The following OR5AN1 variants were observed in gnomAD, a reference collection of about 807,000 sequenced individuals.
OR5AN1 encodes olfactory receptor 5AN1.
For synonymous variants in OR5AN1, 167 were observed against 131.8 expected (o/e 1.27, Z -1.83); for missense variants, 476 against 368.9 (o/e 1.29, Z -2.38).
rs377346936 is a variant in OR5AN1, at chr11:59,365,427, G to A, written c.*33G>A. ...GATTCTGAGATTTCTGCCAGATATG[G>A]CCCATCAGAATCTCCCTAACCCACA... On this transcript the variant is annotated 3_prime_UTR_variant, in exon 2 of 2. Coordinates refer to ENST00000641998, the MANE Select transcript of OR5AN1 (RefSeq NM_001004729.2). The A allele has an allele frequency of 3.4e-5, 45 of 1,336,698 alleles. No individual in the cohort carries two copies. The South Asian group carries it at 4.9e-4, about 15-fold the overall frequency. The allele number at this position is 1,336,698 out of a possible 1,614,324, so 82.8% of individuals were successfully genotyped here. A position where few individuals can be genotyped will look rare whatever the true frequency, so the allele number is the denominator to read the frequency against.
chr11:59,361,401 C>T (rs12797580), intron 1 of OR5AN1, among the ~76,000 whole-genome samples: 2,907 of 152,250 alleles, frequency 0.019, 45 homozygotes, highest in Non-Finnish European at 0.029. Context: ...CCTTCTCAGC[C>T]TCCCAAGTAG....
rs538532601 is a variant in OR5AN1, at chr11:59,366,847, T to A, written c.*1453T>A. ...AGCTAAGTTTTACTGTTATACCAAC[T>A]TCACAGATGAATAAACTTAGGCCAG... On this transcript the variant is annotated 3_prime_UTR_variant, in exon 2 of 2. Transcript: ENST00000641998. The A allele has an allele frequency of 1.1e-4, 17 of 152,310 alleles. No individual in the cohort carries two copies. Among genetic ancestry groups the A allele is most frequent in the Middle Eastern group, 3.4e-3 (1 of 294 alleles). 9.4% of individuals were successfully genotyped at this position (152,310 alleles called of 1,614,324 possible). A position where few individuals can be genotyped will look rare whatever the true frequency, so the allele number is the denominator to read the frequency against.
intron 1 of OR5AN1, among the ~76,000 whole-genome samples, chr11:59,363,040 C>T (rs548383442): frequency 1.6e-4 from 24 of 152,310 alleles, no homozygotes; most frequent in African/African-American, 5.8e-4. Context: ...GCAATGAGGC[C>T]TGGCTGTCTA....
rs1490893421 is a variant in OR5AN1, at chr11:59,364,547, C to T, written c.89C>T (p.Thr30Ile). 5.0e-6 allele frequency: 8 copies of T among 1,613,698 alleles called. No homozygotes were observed. Among genetic ancestry groups the T allele is most frequent in the African/African-American group, 1.3e-5 (1 of 74,912 alleles). The change falls in exon 2 of 2, where the codon ACT (threonine) becomes ATT (isoleucine). Residue 30 changes from threonine (T) to isoleucine (I), a missense_variant. Thr to Ile is a moderately conservative substitution (Grantham distance 89). Transcript: ENST00000641998. Reference protein sequence around the residue: ...DFPRIIKVLFTIFLVIYITSL... With the variant: ...DFPRIIKVLFIIFLVIYITSL... ...CCCAGGATCATAAAAGTGCTCTTCA[C>T]TATATTCCTGGTGATCTACATTACA... is the stretch of plus-strand genomic sequence containing the variant.
In OR5AN1 at chr11:59,368,793, C is replaced by T. The variant is rs1425751678; in HGVS notation, c.*3399C>T. On this transcript the variant is annotated 3_prime_UTR_variant, in exon 2 of 2. Coordinates refer to ENST00000641998, the MANE Select transcript of OR5AN1 (RefSeq NM_001004729.2). Reference sequence around the variant, plus strand: ...CGTAAACACAAAGATCTCCCCAGAGCTGCAGCAGGCAGCCCAGGAGTGCTG... The same window carrying T: ...CGTAAACACAAAGATCTCCCCAGAGTTGCAGCAGGCAGCCCAGGAGTGCTG... 6.6e-6 allele frequency: 1 copy of T among 152,274 alleles called. No homozygotes were observed. Among genetic ancestry groups the T allele is most frequent in the Non-Finnish European group, 1.5e-5 (1 of 68,098 alleles). The allele number at this position is 152,274 out of a possible 1,614,324, so 9.4% of individuals were successfully genotyped here.
rs1006263042 is a variant in OR5AN1 at position 59,371,258 on chromosome 11, A to T, written c.*5864A>T. On this transcript the variant is annotated 3_prime_UTR_variant, in exon 2 of 2. Coordinates refer to ENST00000641998, the MANE Select transcript of OR5AN1 (RefSeq NM_001004729.2). Reference sequence around the variant, plus strand: ...GGTCATAATTATTTAATCAGTACTCAAAAACATAGTATGAGTGCAAAAATG... The same window carrying T: ...GGTCATAATTATTTAATCAGTACTCTAAAACATAGTATGAGTGCAAAAATG... The T allele has an allele frequency of 6.6e-6, 1 of 152,186 alleles. No homozygotes were observed. The highest frequency in any genetic ancestry group is 1.5e-5 in the Non-Finnish European group (1 of 68,020). The allele number at this position is 152,186 out of a possible 1,614,324, so 9.4% of individuals were successfully genotyped here.
At chr11:59,359,404 A>T (rs903787569) in intron 1 of OR5AN1, 132 bp downstream of exon 1, 16 of 152,180 alleles carry the variant, frequency 1.1e-4, no homozygotes, top group Non-Finnish European at 2.4e-4. Context: ...TTGTCTATAA[A>T]GCCTGAAAAA....
At position 59,364,912 on chromosome 11, in the gene OR5AN1, A is replaced by G. The variant is rs778270479; in HGVS notation, c.454A>G (p.Thr152Ala). The G allele has an allele frequency of 1.8e-5, 29 of 1,613,950 alleles. No individual in the cohort carries two copies. In the South Asian group the frequency reaches 3.2e-4, roughly 18 times the overall value. Residue 152 changes from threonine to alanine, a missense_variant, in exon 2 of 2, where the codon ACT becomes GCT. Thr to Ala is a moderately conservative substitution (Grantham distance 58, BLOSUM62 0). Coordinates refer to ENST00000641998, the MANE Select transcript of OR5AN1 (RefSeq NM_001004729.2). ...CVWMVLGAYM[T>A]GLTASLFQIG... ...TTGGATGGTACTGGGAGCCTACATG[A>G]CTGGCCTCACTGCTTCTTTATTCCA...
Position 59,365,045 on chromosome 11 carries a change from T to C in OR5AN1, c.587T>C (p.Val196Ala), listed in dbSNP as rs1857509036. The C allele has an allele frequency of 1.2e-6, 2 of 1,614,024 alleles. No homozygotes were observed. The highest frequency in any genetic ancestry group is 1.7e-6 in the Non-Finnish European group (2 of 1,179,972). The change falls in exon 2 of 2, where the codon GTA becomes GCA. Residue 196 changes from valine to alanine, a missense_variant. Val to Ala is a moderately conservative substitution (Grantham distance 64). Coordinates refer to ENST00000641998, the MANE Select transcript of OR5AN1 (RefSeq NM_001004729.2). ...TTGTCCTGTACTGACACTTTCTTTGTACAGGTCATGACTGCTATATTAACC... is the reference window on the plus strand; with the variant it reads ...TTGTCCTGTACTGACACTTTCTTTGCACAGGTCATGACTGCTATATTAACC... ...LILSCTDTFF[V>A]QVMTAILTMF...
At chr11:59,363,794 A>C (rs1857491155) in intron 1 of OR5AN1, among the ~76,000 whole-genome samples, 1 of 152,038 alleles carries the variant, frequency 6.6e-6, no homozygotes, top group Non-Finnish European at 1.5e-5. Flanking sequence ...ACAGAGTCTC[A>C]CTCTGTTGCC....
chr11:59,365,530 C>A lies in OR5AN1; in HGVS notation c.*136C>A, dbSNP rs879223669. The A allele has an allele frequency of 4.8e-5, 29 of 603,576 alleles. 1 individual carries two copies. In the South Asian group the frequency reaches 6.1e-4, roughly 13 times the overall value. 37.4% of individuals were successfully genotyped at this position (603,576 alleles called of 1,614,324 possible). On this transcript the variant is annotated 3_prime_UTR_variant, in exon 2 of 2. Coordinates refer to ENST00000641998, the MANE Select transcript of OR5AN1 (RefSeq NM_001004729.2). ...GACAAAGAAGGCTTGATTTGATGCA[C>A]AAAATATGCCAATATGGACCAACAG...
rs933995994 is a variant in OR5AN1, at chr11:59,367,418, G to A, written c.*2024G>A. ...GGGTTTTCTGGTAAAAGTAGCTGCA[G>A]CCCCAGCAAAGTTGGAGGTTAGACT... On this transcript the variant is annotated 3_prime_UTR_variant, in exon 2 of 2. Coordinates refer to ENST00000641998, the MANE Select transcript of OR5AN1 (RefSeq NM_001004729.2). The A allele has an allele frequency of 6.6e-6, 1 of 152,260 alleles. No individual in the cohort carries two copies. The highest frequency in any genetic ancestry group is 2.4e-5 in the African/African-American group (1 of 41,432). 9.4% of individuals were successfully genotyped at this position (152,260 alleles called of 1,614,324 possible).
rs1857507775 is a variant in OR5AN1 at position 59,364,957 on chromosome 11, C to T, written c.499C>T (p.Leu167Phe). The T allele has an allele frequency of 6.2e-7, 1 of 1,614,168 alleles. No homozygotes were observed. Among genetic ancestry groups the T allele is most frequent in the Admixed American group, 1.7e-5 (1 of 60,022 alleles). ...SLFQIGALLQ[L>F]HFCGSNVIRH... ...ATTCCAAATTGGTGCTTTGCTTCAA[C>T]TCCACTTCTGTGGGTCTAATGTCAT... Residue 167 changes from leucine (L) to phenylalanine (F), a missense_variant, in exon 2 of 2, where the codon CTC becomes TTC. Physicochemically the swap from Leu to Phe is conservative, Grantham distance 22 (BLOSUM62 0). Transcript: ENST00000641998.
intron 1 of OR5AN1, among the ~76,000 whole-genome samples, chr11:59,362,080 C>A (rs929538941): frequency 3.9e-5 from 6 of 152,018 alleles, no homozygotes; most frequent in Non-Finnish European, 7.4e-5. Context: ...ATAAAAAGCA[C>A]ATAATTTTTC....
At chr11:59,361,577 G>A (rs1857462910) in intron 1 of OR5AN1, among the ~76,000 whole-genome samples, 1 of 152,208 alleles carries the variant, frequency 6.6e-6, no homozygotes, top group Non-Finnish European at 1.5e-5. Context: ...CACCGCGTCT[G>A]GCTGAGGCCT....
intron 1 of OR5AN1, among the ~76,000 whole-genome samples, chr11:59,364,158 T>C (rs1857496003): frequency 6.6e-6 from 1 of 152,246 alleles, no homozygotes; most frequent in African/African-American, 2.4e-5. Context: ...CTTTACCTTA[T>C]ACGTAATACT....
chr11:59,363,205 A>T (rs1242366839), intron 1 of OR5AN1, among the ~76,000 whole-genome samples: 5 of 152,240 alleles, frequency 3.3e-5, no homozygotes, highest in Admixed American at 6.5e-5. Context: ...CTGTATACGT[A>T]AATGTGTGCT....
Position 59,364,994 on chromosome 11 carries a change from T to C in OR5AN1, c.536T>C (p.Phe179Ser). 6.2e-7 allele frequency: 1 copy of C among 1,614,162 alleles called. No individual in the cohort carries two copies. Among genetic ancestry groups the C allele is most frequent in the Non-Finnish European group, 8.5e-7 (1 of 1,180,004 alleles). Reference sequence around the variant, plus strand: ...GGGTCTAATGTCATCAGACATTTCTTCTGTGACATGCCCCAACTGTTAATC... The same window carrying C: ...GGGTCTAATGTCATCAGACATTTCTCCTGTGACATGCCCCAACTGTTAATC... ...FCGSNVIRHF[F>S]CDMPQLLILS... The change falls in exon 2 of 2, where the codon TTC (phenylalanine) becomes TCC (serine). Residue 179 changes from phenylalanine to serine, a missense_variant. Physicochemically the swap from Phe to Ser is radical, Grantham distance 155. Transcript: ENST00000641998.
In OR5AN1 at chr11:59,370,537, A is replaced by G. The variant is rs941219280; in HGVS notation, c.*5143A>G. On this transcript the variant is annotated 3_prime_UTR_variant, in exon 2 of 2. Coordinates refer to ENST00000641998, the MANE Select transcript of OR5AN1 (RefSeq NM_001004729.2). The stretch of plus-strand genomic sequence containing the variant: ...ATGTGAAATACCAATCAAAATCACA[A>G]CATGCTTGTGGAAACTAAAAGTTGA... 1 of 152,238 alleles carries G rather than the reference A, an allele frequency of 6.6e-6. No individual in the cohort carries two copies. The highest frequency in any genetic ancestry group is 2.4e-5 in the African/African-American group (1 of 41,466). The allele number at this position is 152,238 out of a possible 1,614,324, so 9.4% of individuals were successfully genotyped here. A position where few individuals can be genotyped will look rare whatever the true frequency, so the allele number is the denominator to read the frequency against.
Sources: gnomAD v4.1 joint callset for allele counts (sites outside exome capture counted in the v4.1 genomes callset) on GRCh38, gnomAD v4.1.1 for gene constraint, MANE v1.5 for transcripts, NCBI Gene and HGNC (gene_info 2026-07-23, HGNC 2026-07-21) for gene names.